ACP7: variants seen among roughly 807,000 people sequenced by gnomAD.
ACP7 encodes the protein acid phosphatase type 7.
A neutral mutation model predicts 60.6 loss-of-function variants in ACP7; 58 were observed. That is an observed-to-expected ratio of 0.96 (90% CI 0.77 to 1.19). The LOEUF is 1.19. ACP7 is among the 50% of genes most tolerant of loss of function. The pLI is 0.00. For synonymous variants in ACP7, 237 were observed against 232.6 expected (o/e 1.02, Z -0.17); for missense variants, 574 against 596.2 (o/e 0.96, Z 0.39).
At chr19:39,104,104 A>G (rs2073387054) in intron 11 of ACP7, among the ~76,000 whole-genome samples, 1 of 151,082 alleles carries the variant, frequency 6.6e-6, no homozygotes, top group African/African-American at 2.4e-5. Flanking sequence ...TTATCATTAT[A>G]TATATGTATA....
intron 8 of ACP7, 29 bp from the exon 9 acceptor site, chr19:39,101,121 A>G: frequency 1.9e-6 from 3 of 1,613,904 alleles, no homozygotes; most frequent in Non-Finnish European, 2.5e-6. Flanking sequence ...AGTCTGCGTC[A>G]CCCTCACCCG....
intron 11 of ACP7, among the ~76,000 whole-genome samples, chr19:39,102,355 T>C (rs1378488914): frequency 6.6e-6 from 1 of 150,732 alleles, no homozygotes; most frequent in African/African-American, 2.4e-5. Context: ...GGGGAGATCC[T>C]GTTAGACCAT....
chr19:39,099,039 C>G lies in ACP7; in HGVS notation c.402C>G (p.Pro134=). The part of the protein sequence containing the change: ...RALKNGAHWS[P]RLAVFGDLGA... ...TCAAGAATGGGGCCCACTGGAGTCC[C>G]CGTCTGGCTGTGTTTGGAGACCTGG... The change falls in exon 4 of 13, where the codon CCC becomes CCG. Residue 134 remains proline, a synonymous_variant. Coordinates refer to ENST00000331256, the MANE Select transcript of ACP7 (RefSeq NM_001004318.3). The G allele has an allele frequency of 6.2e-7, 1 of 1,613,108 alleles. No individual in the cohort carries two copies.
intron 2 of ACP7, among the ~76,000 whole-genome samples, chr19:39,094,026 C>A (rs537989724): frequency 1.3e-5 from 2 of 152,248 alleles, no homozygotes; most frequent in South Asian, 4.2e-4. Flanking sequence ...CCATAAATAA[C>A]CCTGAGCACA....
At chr19:39,104,532 T>C (rs1391552510) in intron 11 of ACP7, among the ~76,000 whole-genome samples, 2 of 152,202 alleles carry the variant, frequency 1.3e-5, no homozygotes, top group Non-Finnish European at 2.9e-5. Context: ...AGCCAGGCTC[T>C]GCCCATGGGT....
At chr19:39,089,088 C>A (rs2073176246) in intron 2 of ACP7, among the ~76,000 whole-genome samples, 1 of 152,088 alleles carries the variant, frequency 6.6e-6, no homozygotes, top group Non-Finnish European at 1.5e-5. Context: ...TGCCACCACA[C>A]CCAGCTAATT....
At chr19:39,101,860 C>T (rs1220480559) in intron 11 of ACP7, among the ~76,000 whole-genome samples, 2 of 149,068 alleles carry the variant, frequency 1.3e-5, no homozygotes, top group Non-Finnish European at 2.9e-5. Flanking sequence ...CATCCTAGCA[C>T]TTTGGGAGGC....
At chr19:39,085,501 C>A in intron 2 of ACP7, 111 bp downstream of exon 2, 1 of 1,335,974 alleles carries the variant, frequency 7.5e-7, no homozygotes, top group Non-Finnish European at 1.0e-6. Context: ...GTGGCTCATT[C>A]CTCCTGAGCC....
At chr19:39,107,205 G>T (rs2073420800) in intron 12 of ACP7, 121 bp downstream of exon 12, 1 of 1,118,598 alleles carries the variant, frequency 8.9e-7, no homozygotes, top group Non-Finnish European at 1.2e-6. Context: ...CCTGCAATTT[G>T]GTGGGGCTAA....
At chr19:39,086,199 G>A (rs2073139356) in intron 2 of ACP7, among the ~76,000 whole-genome samples, 1 of 152,106 alleles carries the variant, frequency 6.6e-6, no homozygotes, top group Non-Finnish European at 1.5e-5. Flanking sequence ...GTGGTGGCAT[G>A]CACCTATAGT....
At chr19:39,093,689 T>G (rs906797842) in intron 2 of ACP7, among the ~76,000 whole-genome samples, 21 of 152,254 alleles carry the variant, frequency 1.4e-4, no homozygotes, top group African/African-American at 4.3e-4. Flanking sequence ...ATGTCTGGCC[T>G]CCTCTTTTCT....
chr19:39,101,103 T>A, intron 8 of ACP7, 47 bp downstream of exon 8: 1 of 1,613,908 alleles, frequency 6.2e-7, no homozygotes, highest in Non-Finnish European at 8.5e-7. Context: ...GAAAGCCAGG[T>A]GGGCGTCAGT....
In ACP7 at chr19:39,101,481, C is replaced by T. The variant is rs1250019430; in HGVS notation, c.1057C>T (p.Arg353Ter). Residue 353 changes from arginine (R) to a stop codon, truncating the protein, a stop_gained, in exon 11 of 13, where the codon CGA becomes TGA. Transcript: ENST00000331256. LOFTEE classifies it high-confidence loss of function. The stretch of plus-strand genomic sequence containing the variant: ...CCTTCCCCAGGTATTTAACGGCAGC[C>T]GAGAGATGCCCTACACCAACCCGCG... ...IYNYQVFNGS[R>*]EMPYTNPRGP... 9.9e-6 allele frequency: 16 copies of T among 1,613,922 alleles called. No individual in the cohort carries two copies. Among genetic ancestry groups the T allele is most frequent in the Middle Eastern group, 1.6e-4 (1 of 6,084 alleles).
intron 1 of ACP7, 142 bp downstream of exon 1, chr19:39,084,542 G>A (rs549419976): frequency 2.5e-4 from 38 of 152,434 alleles, no homozygotes; most frequent in African/African-American, 6.8e-4. Context: ...GGGCAGGGAC[G>A]CTGGGGATGG....
intron 2 of ACP7, among the ~76,000 whole-genome samples, chr19:39,091,877 C>G (rs1306555341): frequency 1.3e-5 from 2 of 151,600 alleles, no homozygotes; most frequent in Non-Finnish European, 2.9e-5. Context: ...CACCACTGTC[C>G]CTCCAGCCTG....
intron 11 of ACP7, among the ~76,000 whole-genome samples, 182 bp from the exon 12 acceptor site, chr19:39,106,765 C>G (rs2073414831): frequency 6.6e-6 from 1 of 152,300 alleles, no homozygotes; most frequent in South Asian, 2.1e-4. Context: ...CTCAAGTGAT[C>G]CGCCCTTCTT....
At chr19:39,091,265 C>T (rs761098594) in intron 2 of ACP7, among the ~76,000 whole-genome samples, 4 of 151,598 alleles carry the variant, frequency 2.6e-5, no homozygotes, top group South Asian at 2.1e-4. Context: ...TGGGTTCAAG[C>T]GATTCTCCTG....
intron 2 of ACP7, among the ~76,000 whole-genome samples, chr19:39,091,251 C>T (rs948700242): frequency 7.9e-5 from 12 of 151,904 alleles, no homozygotes; most frequent in African/African-American, 2.9e-4. Flanking sequence ...CAACCTCCGC[C>T]TCCTGGGTTC....
chr19:39,103,664 C>A (rs1375331963), intron 11 of ACP7, among the ~76,000 whole-genome samples: 1 of 150,602 alleles, frequency 6.6e-6, no homozygotes, highest in Non-Finnish European at 1.5e-5. Context: ...CCATCGCTAT[C>A]AAAAAATACA....
Sources: gnomAD v4.1 joint callset for allele counts (sites outside exome capture counted in the v4.1 genomes callset) on GRCh38, gnomAD v4.1.1 for gene constraint, MANE v1.5 for transcripts, NCBI Gene and HGNC (gene_info 2026-07-23, HGNC 2026-07-21) for gene names.